FRY: variants seen among roughly 807,000 people sequenced by gnomAD.
FRY encodes FRY microtubule binding protein.
FRY carries 128 observed loss-of-function variants against 348.4 expected under a neutral mutation model. The ratio of observed to expected loss-of-function variants is 0.37; its 90% confidence interval spans 0.32 to 0.43. The LOEUF (loss-of-function observed/expected upper bound fraction) is 0.43. FRY is among the 20% of genes least tolerant of loss of function. The probability of loss-of-function intolerance (pLI) is 1.00; values close to 1 mark genes in which losing one functional copy is unlikely to be tolerated. For missense variants in FRY, 2,736 were observed against 3,695.2 expected, an observed-to-expected ratio of 0.74 and a Z score of 6.73; for synonymous variants, 1,370 against 1,374.7, an observed-to-expected ratio of 1.00 and a Z score of 0.08.
intron 16 of FRY, among the ~76,000 whole-genome samples, chr13:32,158,373 A>G (rs1326069489): frequency 6.6e-6 from 1 of 152,198 alleles, no homozygotes; most frequent in Non-Finnish European, 1.5e-5. Context: ...AAAGTGGGAT[A>G]ATACAATGCA....
intron 1 of FRY, among the ~76,000 whole-genome samples, chr13:32,074,508 A>G (rs986738545): frequency 6.6e-6 from 1 of 152,150 alleles, no homozygotes; most frequent in African/African-American, 2.4e-5. Context: ...AGAGACATTG[A>G]GCTGTTATAT....
chr13:32,177,709 G>C (rs1180510482), intron 20 of FRY, among the ~76,000 whole-genome samples: 2 of 152,040 alleles, frequency 1.3e-5, no homozygotes, highest in African/African-American at 4.8e-5. Flanking sequence ...TAAATCAAAG[G>C]GAAGATATTT....
chr13:32,218,055 A>G (rs1885101642), intron 35 of FRY, among the ~76,000 whole-genome samples: 1 of 152,126 alleles, frequency 6.6e-6, no homozygotes, highest in African/African-American at 2.4e-5. Context: ...TTCCCATTCT[A>G]TGTACTTTGA....
At chr13:32,123,237 T>C (rs799052) in intron 4 of FRY, among the ~76,000 whole-genome samples, 93,209 of 152,146 alleles carry the variant, frequency 0.61, 28,880 homozygotes, top group South Asian at 0.67. Context: ...AGCCAAAGCA[T>C]GACTAAGCAA....
In FRY at chr13:32,249,644, A is replaced by G; in HGVS notation, c.7127A>G (p.Asn2376Ser). ...TCCACTTCCTCAGGCTCCAACTCCA[A>G]CGTCCTTGTTCCAGTGAGCTGGAAA... ...TSSTSSGSNSNVLVPVSWKRP... is the reference protein window; with the variant it reads ...TSSTSSGSNSSVLVPVSWKRP... The change falls in exon 49 of 61, where the codon AAC (asparagine) becomes AGC (serine). Residue 2376 changes from asparagine to serine, a missense_variant. Around this residue, in one of 9 missense-constraint regions of FRY, gnomAD observed 789 missense variants for 996.2 expected, o/e 0.79. Transcript: ENST00000542859. 3 of 1,614,150 alleles carry G rather than the reference A, an allele frequency of 1.9e-6. No homozygotes were observed. Among genetic ancestry groups the G allele is most frequent in the African/African-American group, 1.3e-5 (1 of 75,026 alleles).
intron 2 of FRY, among the ~76,000 whole-genome samples, chr13:32,091,987 GAT>G (rs1876345196): frequency 1.3e-5 from 2 of 152,186 alleles, no homozygotes; most frequent in South Asian, 2.1e-4. Context: ...CAAGGTTAGT[GAT>G]ATATTTAACT....
chr13:32,173,277 CA>C (rs2138220366), intron 18 of FRY, 89 bp from the exon 19 acceptor site: 1 of 965,780 alleles, frequency 1.0e-6, no homozygotes, highest in African/African-American at 1.6e-5. Context: ...TTTACAAGGT[CA>C]AATGTGCAAA....
chr13:32,215,827 C>A (rs756803336), intron 35 of FRY, among the ~76,000 whole-genome samples: 3 of 152,190 alleles, frequency 2.0e-5, no homozygotes, highest in Non-Finnish European at 4.4e-5. Context: ...ACCTCAGCCT[C>A]CCAAAGTGCT....
chr13:32,178,752 CTATT>C (rs899986320), intron 21 of FRY, 88 bp from the exon 22 acceptor site: 6 of 896,654 alleles, frequency 6.7e-6, no homozygotes, highest in Non-Finnish European at 1.1e-5. Context: ...TTGTTCAACT[CTATT>C]TGAGTACTTC....
chr13:32,150,020 A>G lies in FRY; in HGVS notation c.1479+186A>G, dbSNP rs998570351. On this transcript the variant is annotated intron_variant, in intron 14 of 60. Coordinates refer to ENST00000542859, the MANE Select transcript of FRY (RefSeq NM_023037.3). ...AAAATTTTGGATGAATAGACTTAGA[A>G]TGAAACGGTTAGTTGAAAGGTTGAT... Among the ~76,000 whole-genome samples, 137 of 152,206 alleles carry G rather than the reference A, an allele frequency of 9.0e-4. 16 individuals are homozygous for G. Among genetic ancestry groups the G allele is most frequent in the Non-Finnish European group, 1.5e-5 (1 of 68,028 alleles).
intron 2 of FRY, among the ~76,000 whole-genome samples, chr13:32,080,957 G>T (rs76477202): frequency 0.015 from 2,234 of 152,280 alleles, 34 homozygotes; most frequent in Admixed American, 0.043. Flanking sequence ...AACCATCCAT[G>T]TTTCCAAAAT....
intron 1 of FRY, among the ~76,000 whole-genome samples, chr13:32,043,713 G>A (rs1872868441): frequency 6.6e-6 from 1 of 152,138 alleles, no homozygotes; most frequent in African/African-American, 2.4e-5. Flanking sequence ...AAAAGCAGCG[G>A]CAAAGTCTTG....
At chr13:32,037,633 C>T (rs968336350) in intron 1 of FRY, among the ~76,000 whole-genome samples, 8 of 152,102 alleles carry the variant, frequency 5.3e-5, no homozygotes, top group Non-Finnish European at 8.8e-5. Flanking sequence ...AGAGATGACC[C>T]GGATAATTTT....
intron 17 of FRY, among the ~76,000 whole-genome samples, chr13:32,170,305 G>A (rs911513779): frequency 6.6e-6 from 1 of 152,164 alleles, no homozygotes; most frequent in Non-Finnish European, 1.5e-5. Flanking sequence ...ATGCAGTGTG[G>A]TATCTTGGAT....
intron 2 of FRY, among the ~76,000 whole-genome samples, chr13:32,099,291 CA>C (rs1366201538): frequency 6.6e-6 from 1 of 151,642 alleles, no homozygotes; most frequent in Non-Finnish European, 1.5e-5. Context: ...TATACAGGTT[CA>C]AAATGTGTAT....
intron 2 of FRY, among the ~76,000 whole-genome samples, chr13:32,090,298 A>C (rs1157583070): frequency 7.8e-6 from 1 of 128,108 alleles, no homozygotes; most frequent in Non-Finnish European, 1.6e-5. Flanking sequence ...CAGTGAGCCG[A>C]GGTGGCACCA....
At chr13:32,287,335 A>G (rs1889129474) in intron 58 of FRY, among the ~76,000 whole-genome samples, 1 of 152,220 alleles carries the variant, frequency 6.6e-6, no homozygotes, top group Non-Finnish European at 1.5e-5. Context: ...GTGCAAGGCA[A>G]TCCAACTAAA....
intron 1 of FRY, among the ~76,000 whole-genome samples, chr13:32,064,676 G>T (rs1353296824): frequency 1.3e-5 from 2 of 152,108 alleles, no homozygotes; most frequent in Non-Finnish European, 2.9e-5. Flanking sequence ...GTTCAACCTG[G>T]CTGTTCAACC....
intron 51 of FRY, 137 bp from the exon 52 acceptor site, chr13:32,261,478 GT>G: frequency 1.2e-6 from 1 of 828,422 alleles, no homozygotes; most frequent in South Asian, 1.3e-5. Context: ...GTAAACAAAA[GT>G]TTTGATACCA....
Sources: gnomAD v4.1 joint callset for allele counts (sites outside exome capture counted in the v4.1 genomes callset) on GRCh38, gnomAD v4.1.1 for gene constraint, gnomAD v4.1.1 regional missense constraint, MANE v1.5 for transcripts, NCBI Gene and HGNC (gene_info 2026-07-23, HGNC 2026-07-21) for gene names.